Variants in C17orf67 observed in about 807,000 individuals in gnomAD.
C17orf67 encodes the protein uncharacterized protein C17orf67.
Under a neutral mutation model 11.2 loss-of-function variants are expected in C17orf67, and 12 were observed. The observed-to-expected ratio is 1.07, with a 90% CI of 0.68 to 1.73. The LOEUF is 1.73. C17orf67 is among the 40% of genes most tolerant of loss of function. C17orf67 has a pLI of 0.00. For synonymous variants in C17orf67, 59 were observed against 46.9 expected (o/e 1.26, Z -1.05); for missense variants, 115 against 113.5 (o/e 1.01, Z -0.06).
intron 6 of C17orf67, among the ~76,000 whole-genome samples, chr17:56,811,232 G>A (rs1465664545): frequency 6.6e-6 from 1 of 152,182 alleles, no homozygotes; most frequent in East Asian, 1.9e-4. Flanking sequence ...CCAGATTCCA[G>A]CCAAACTCTG....
chr17:56,828,291 G>T (rs1000286577), intron 2 of C17orf67, among the ~76,000 whole-genome samples: 1 of 151,902 alleles, frequency 6.6e-6, no homozygotes, highest in Non-Finnish European at 1.5e-5. Context: ...TGTAATCCCA[G>T]CTACTCGGGA....
chr17:56,800,058 A>ATTTTT (rs772880968), intron 6 of C17orf67, among the ~76,000 whole-genome samples: 72 of 96,292 alleles, frequency 7.5e-4, no homozygotes, highest in Non-Finnish European at 8.5e-4. Context: ...TTGCAAACTA[A>ATTTTT]TTTTTTTTTT....
chr17:56,819,785 G>A lies in C17orf67; in HGVS notation c.-200-3775C>T, dbSNP rs529080185. The stretch of plus-strand genomic sequence containing the variant: ...CCCGGTTCTCAGGAAAAGCCCCAGC[G>A]GGGTAACGAGGTGAGTCGGCAAGGC... On this transcript the variant is annotated intron_variant, in intron 4 of 7. Transcript: ENST00000397861. 2.4e-4 allele frequency among the ~76,000 whole-genome samples: 37 copies of A among 152,308 alleles called. No individual in the cohort carries two copies. In the East Asian group the frequency reaches 4.1e-3, roughly 17 times the overall value.
At chr17:56,807,156 T>C (rs145516248) in intron 6 of C17orf67, among the ~76,000 whole-genome samples, 200 of 152,306 alleles carry the variant, frequency 1.3e-3, no homozygotes, top group African/African-American at 4.6e-3. Context: ...TGGGACCTCC[T>C]GACATTTAAA....
At chr17:56,829,537 G>T (rs116896692) in intron 2 of C17orf67, among the ~76,000 whole-genome samples, 1 of 152,120 alleles carries the variant, frequency 6.6e-6, no homozygotes, top group Non-Finnish European at 1.5e-5. Flanking sequence ...TTAGGGCAGC[G>T]CTGTTCTCTC....
At position 56,821,952 on chromosome 17, in the gene C17orf67, G is replaced by A. The variant is rs567969409; in HGVS notation, c.-201+2787C>T. ...ATTGCTACAAAAAGACCTTCCCCCC[G>A]TTGGCTACTGCCCCTTCAAGCTGAG... On this transcript the variant is annotated intron_variant, in intron 4 of 7. Coordinates refer to ENST00000397861, the MANE Select transcript of C17orf67 (RefSeq NM_001085430.4). Among the ~76,000 whole-genome samples, 204 of 152,258 alleles carry A rather than the reference G, an allele frequency of 1.3e-3. 1 individual carries two copies. Among genetic ancestry groups the A allele is most frequent in the Non-Finnish European group, 2.2e-3 (147 of 68,020 alleles).
intron 4 of C17orf67, among the ~76,000 whole-genome samples, chr17:56,824,495 C>A (rs1013110818): frequency 6.6e-6 from 1 of 152,244 alleles, no homozygotes; most frequent in African/African-American, 2.4e-5. Flanking sequence ...TGTCCCCATT[C>A]CCACACCCCA....
At chr17:56,827,361 T>C (rs1906065597) in intron 2 of C17orf67, among the ~76,000 whole-genome samples, 1 of 152,242 alleles carries the variant, frequency 6.6e-6, no homozygotes, top group Admixed American at 6.5e-5. Flanking sequence ...GGGTGTTCTC[T>C]GGTGTCTGTT....
chr17:56,823,537 G>A (rs1312462983), intron 4 of C17orf67, among the ~76,000 whole-genome samples: 1 of 151,986 alleles, frequency 6.6e-6, no homozygotes, highest in African/African-American at 2.4e-5. Context: ...GGAATGTTCA[G>A]AAAACAAATT....
intron 3 of C17orf67, 43 bp from the exon 4 acceptor site, chr17:56,824,896 T>C (rs961163881): frequency 3.3e-5 from 5 of 152,214 alleles, no homozygotes; most frequent in South Asian, 2.1e-4. Flanking sequence ...AAAGTTACGA[T>C]AGTAGTTCCT....
At chr17:56,817,706 C>T (rs982193796) in intron 4 of C17orf67, among the ~76,000 whole-genome samples, 1 of 151,354 alleles carries the variant, frequency 6.6e-6, no homozygotes, top group Non-Finnish European at 1.5e-5. Context: ...CCTCCTGCTT[C>T]AGCCTCCCAA....
chr17:56,804,977 G>T (rs886545572), intron 6 of C17orf67, among the ~76,000 whole-genome samples: 1 of 152,188 alleles, frequency 6.6e-6, no homozygotes, highest in Non-Finnish European at 1.5e-5. Flanking sequence ...TTCTACCCTG[G>T]AGAGAAGCAA....
chr17:56,810,668 C>T (rs1905601198), intron 6 of C17orf67, among the ~76,000 whole-genome samples: 3 of 152,212 alleles, frequency 2.0e-5, no homozygotes, highest in Non-Finnish European at 4.4e-5. Flanking sequence ...GCCTTAGCCT[C>T]TGAACTCCCT....
rs553517271 is a variant in C17orf67 at position 56,801,237 on chromosome 17, G to A, written c.157-6057C>T. ...CATACAAACAGCAGGCCAATAATCA[G>A]AGAAGTGGCATTTCACCTTAGGAAA... On this transcript the variant is annotated intron_variant, in intron 6 of 7. Coordinates refer to ENST00000397861, the MANE Select transcript of C17orf67 (RefSeq NM_001085430.4). Among the ~76,000 whole-genome samples the A allele has an allele frequency of 2.5e-4, 38 of 152,324 alleles. No homozygotes were observed. The South Asian group carries it at 7.7e-3, about 31-fold the overall frequency.
At chr17:56,801,068 G>A (rs1217119440) in intron 6 of C17orf67, among the ~76,000 whole-genome samples, 1 of 152,178 alleles carries the variant, frequency 6.6e-6, no homozygotes, top group Non-Finnish European at 1.5e-5. Flanking sequence ...CAAAAAACTT[G>A]TTCTTTTATG....
Position 56,819,136 on chromosome 17 carries a change from C to T in C17orf67, c.-200-3126G>A, listed in dbSNP as rs1468820707. Reference sequence around the variant, plus strand: ...CAGGACCCTGTGTTTTTTGTGCCTACTGCCCTTTCCAACCTTACTCCAACC... The same window carrying T: ...CAGGACCCTGTGTTTTTTGTGCCTATTGCCCTTTCCAACCTTACTCCAACC... On this transcript the variant is annotated intron_variant, in intron 4 of 7. Coordinates refer to ENST00000397861, the MANE Select transcript of C17orf67 (RefSeq NM_001085430.4). Among the ~76,000 whole-genome samples the T allele has an allele frequency of 2.0e-5, 3 of 152,132 alleles. No individual in the cohort carries two copies. The East Asian group carries it at 5.8e-4, about 29-fold the overall frequency.
At chr17:56,820,776 T>G (rs1034425628) in intron 4 of C17orf67, among the ~76,000 whole-genome samples, 7 of 149,746 alleles carry the variant, frequency 4.7e-5, no homozygotes. Context: ...CCTTTTTTTT[T>G]TTTTTTTTTT....
At chr17:56,816,446 C>T (rs1468740431) in intron 4 of C17orf67, among the ~76,000 whole-genome samples, 1 of 152,160 alleles carries the variant, frequency 6.6e-6, no homozygotes, top group Non-Finnish European at 1.5e-5. Flanking sequence ...GAGCACCTAC[C>T]TTGTGGGGTG....
chr17:56,794,956 G>A (rs780663053), intron 7 of C17orf67, 88 bp downstream of exon 7: 2 of 893,756 alleles, frequency 2.2e-6, no homozygotes, highest in South Asian at 1.6e-5. Flanking sequence ...GCCCCCCTGA[G>A]GCATGGTCTG....
Sources: gnomAD v4.1 joint callset for allele counts (sites outside exome capture counted in the v4.1 genomes callset) on GRCh38, gnomAD v4.1.1 for gene constraint, MANE v1.5 for transcripts, NCBI Gene and HGNC (gene_info 2026-07-23, HGNC 2026-07-21) for gene names.